SLC36A1: variants seen among roughly 807,000 people sequenced by gnomAD.
SLC36A1 encodes the protein proton-coupled amino acid transporter 1.
In SLC36A1, 30 loss-of-function variants were observed where a neutral mutation model predicts 47.5. That is an observed-to-expected ratio of 0.63 (90% confidence interval 0.47 to 0.86). The LOEUF (loss-of-function observed/expected upper bound fraction) is 0.86, where lower values mean the gene tolerates loss of function less well. Ranked by LOEUF, SLC36A1 falls within the 40% of genes least tolerant of loss-of-function variation. The pLI, the probability that SLC36A1 is intolerant of heterozygous loss-of-function variation, is 0.00. For missense variants in SLC36A1, 517 were observed against 606.0 expected (o/e 0.85, Z 1.54); for synonymous variants, 255 against 249.7 (o/e 1.02, Z -0.20).
At chr5:151,420,219 G>C in the SLC36A1 span, among the ~76,000 whole-genome samples, 39 of 152,242 alleles carry the variant, frequency 2.6e-4, 1 homozygote, top group South Asian at 4.8e-3. Context: ...CTGAGTGTTG[G>C]AGTTATACAA....
the SLC36A1 span, chr5:151,512,197 T>A: frequency 1.2e-6 from 2 of 1,614,154 alleles, no homozygotes; most frequent in Non-Finnish European, 1.7e-6. The surrounding 1 kb of genome is among the most constrained non-coding windows in gnomAD (Gnocchi z 4.1). Flanking sequence ...CTTCCCACCA[T>A]TGAGGCATGT....
intron 9 of SLC36A1, among the ~76,000 whole-genome samples, chr5:151,478,632 G>A (rs931274855): frequency 7.2e-5 from 11 of 152,132 alleles, no homozygotes; most frequent in African/African-American, 2.7e-4. Context: ...TATGCCCATG[G>A]CAAAGATTGA....
chr5:151,504,334 G>C, the SLC36A1 span: 3 of 152,702 alleles, frequency 2.0e-5, no homozygotes, highest in Non-Finnish European at 4.4e-5. Flanking sequence ...GGAGGGACTG[G>C]GTGGGAGGGA....
chr5:151,472,063 T>C (rs1273137627), intron 7 of SLC36A1, among the ~76,000 whole-genome samples: 2 of 152,172 alleles, frequency 1.3e-5, no homozygotes, highest in African/African-American at 4.8e-5. Context: ...ACCTCTGTCT[T>C]AGTCAGGGTT....
At chr5:151,520,411 A>C in the SLC36A1 span, among the ~76,000 whole-genome samples, 9 of 152,192 alleles carry the variant, frequency 5.9e-5, no homozygotes, top group African/African-American at 2.2e-4. Flanking sequence ...AGGCAAACTA[A>C]ATCTCATATC....
chr5:151,393,812 C>G, the SLC36A1 span, among the ~76,000 whole-genome samples: 1,642 of 152,268 alleles, frequency 0.011, 9 homozygotes, highest in Non-Finnish European at 0.017. Context: ...GTAACCCGAC[C>G]TTTCTCTCTG....
chr5:151,434,390 CTG>C (rs1260386388), upstream of SLC36A1, among the ~76,000 whole-genome samples: 10 of 151,870 alleles, frequency 6.6e-5, no homozygotes, highest in Admixed American at 2.0e-4. Context: ...AAATTTAAAA[CTG>C]AATATTAATT....
chr5:151,456,996 G>T (rs975446170), intron 1 of SLC36A1, among the ~76,000 whole-genome samples: 4 of 152,194 alleles, frequency 2.6e-5, no homozygotes, highest in Non-Finnish European at 5.9e-5. Flanking sequence ...CTTAAGGTGG[G>T]CATCCAGCCA....
At chr5:151,479,567 A>C in intron 10 of SLC36A1, 78 bp downstream of exon 10, 1 of 1,532,634 alleles carries the variant, frequency 6.5e-7, no homozygotes, top group Non-Finnish European at 8.9e-7. Flanking sequence ...GAGAAAAGAC[A>C]ATGTGTGTTG....
At chr5:151,374,032 T>C in the SLC36A1 span, among the ~76,000 whole-genome samples, 1 of 152,102 alleles carries the variant, frequency 6.6e-6, no homozygotes, top group Admixed American at 6.5e-5. Flanking sequence ...AAGGGATGAA[T>C]AACACCTTCC....
At chr5:151,539,793 C>A in the SLC36A1 span, among the ~76,000 whole-genome samples, 1 of 152,220 alleles carries the variant, frequency 6.6e-6, no homozygotes, top group Non-Finnish European at 1.5e-5. Context: ...CCTCTCCTGA[C>A]AAACACACAT....
intron 1 of SLC36A1, among the ~76,000 whole-genome samples, chr5:151,448,933 A>G (rs1372723269): frequency 6.6e-6 from 1 of 152,080 alleles, no homozygotes; most frequent in Non-Finnish European, 1.5e-5. Flanking sequence ...TTGTTTTTAA[A>G]TAGAGATGAG....
chr5:151,367,620 T>C, the SLC36A1 span, among the ~76,000 whole-genome samples: 11 of 152,138 alleles, frequency 7.2e-5, no homozygotes. Context: ...ATTTGTACAG[T>C]TAACACAATT....
At chr5:151,354,511 T>C in the SLC36A1 span, among the ~76,000 whole-genome samples, 9 of 152,196 alleles carry the variant, frequency 5.9e-5, no homozygotes, top group Non-Finnish European at 1.0e-4. Flanking sequence ...GTTTCATGCA[T>C]GCACAATGAG....
the SLC36A1 span, chr5:151,546,243 C>T: frequency 6.2e-7 from 1 of 1,614,160 alleles, no homozygotes; most frequent in Non-Finnish European, 8.5e-7. Flanking sequence ...CCTTCACTGT[C>T]AGAGTATGTG....
chr5:151,522,033 A>G, the SLC36A1 span: 1 of 1,611,790 alleles, frequency 6.2e-7, no homozygotes. Flanking sequence ...GCTCTGTGAC[A>G]TGGACACGGA....
chr5:151,507,310 T>C, the SLC36A1 span: 3 of 1,614,180 alleles, frequency 1.9e-6, no homozygotes, highest in Non-Finnish European at 2.5e-6. Context: ...ACAGAGGCCT[T>C]GCTGGGTTCC....
the SLC36A1 span, chr5:151,542,238 T>C: frequency 6.6e-7 from 1 of 1,517,696 alleles, no homozygotes; most frequent in Non-Finnish European, 8.8e-7. Context: ...TTCCTGGATG[T>C]TTTTCGATAC....
At chr5:151,534,359 A>T in the SLC36A1 span, 1 of 1,463,886 alleles carries the variant, frequency 6.8e-7, no homozygotes, top group Non-Finnish European at 9.3e-7. Flanking sequence ...CCCTTGCCCA[A>T]GGTGACCCAG....
Sources: allele counts gnomAD v4.1 joint callset (sites outside exome capture counted in the v4.1 genomes callset), GRCh38; gene constraint gnomAD v4.1.1; non-coding constraint Gnocchi (gnomAD v3.1); transcripts MANE v1.5; gene names NCBI Gene and HGNC (gene_info 2026-07-23, HGNC 2026-07-21).